Variants in CTTN observed in about 807,000 individuals in gnomAD.
CTTN encodes the protein src substrate cortactin.
Under a neutral mutation model 84.0 loss-of-function variants are expected in CTTN, and 28 were observed. That is an observed-to-expected ratio of 0.33 (90% CI 0.25 to 0.46). The LOEUF (loss-of-function observed/expected upper bound fraction) is 0.46. Among genes scored for constraint, CTTN ranks in the 20% least tolerant of loss-of-function variants. The pLI is 1.00. For missense variants in CTTN, 641 were observed against 723.8 expected (o/e 0.89, Z 1.31); for synonymous variants, 301 against 288.8 (o/e 1.04, Z -0.43).
At chr11:70,420,605 C>A (rs2058221975) in intron 10 of CTTN, 95 bp downstream of exon 10, 1 of 874,690 alleles carries the variant, frequency 1.1e-6, no homozygotes, top group Non-Finnish European at 1.9e-6. Context: ...CGTGTGCCTG[C>A]TGCACATTGT....
chr11:70,430,800 G>T (rs1397708385), intron 14 of CTTN, among the ~76,000 whole-genome samples: 1 of 152,166 alleles, frequency 6.6e-6, no homozygotes, highest in African/African-American at 2.4e-5. Context: ...CTATCTAATC[G>T]TGTGTGGGCG....
In CTTN at chr11:70,431,224, G is replaced by A. The variant is rs748275215; in HGVS notation, c.1210G>A (p.Val404Met). 3 of 1,614,052 alleles carry A rather than the reference G, an allele frequency of 1.9e-6. No homozygotes were observed. The highest frequency in any genetic ancestry group is 2.7e-5 in the African/African-American group (2 of 74,912). ...QARAKTQTPP[V>M]SPAPQPTEER... ...CAGAGCCAAAACGCAAACGCCCCCTGTGTCGCCCGCACCTCAGCCAACCGA... is the reference window on the plus strand; with the variant it reads ...CAGAGCCAAAACGCAAACGCCCCCTATGTCGCCCGCACCTCAGCCAACCGA... Residue 404 changes from valine to methionine, a missense_variant, in exon 15 of 18, where the codon GTG becomes ATG. Val to Met is a conservative substitution (Grantham distance 21). Transcript: ENST00000301843.
At chr11:70,420,583 G>A in intron 10 of CTTN, 73 bp downstream of exon 10, 1 of 1,099,634 alleles carries the variant, frequency 9.1e-7, no homozygotes, top group Non-Finnish European at 1.4e-6. Flanking sequence ...CAGTTGGTAT[G>A]TGTTGTGTCT....
At chr11:70,430,656 TCCTAC>T (rs1294448870) in intron 14 of CTTN, among the ~76,000 whole-genome samples, 1 of 152,186 alleles carries the variant, frequency 6.6e-6, no homozygotes, top group Non-Finnish European at 1.5e-5. Flanking sequence ...GGGGCTATTA[TCCTAC>T]CCCAGTTCAT....
chr11:70,422,732 C>T, intron 11 of CTTN: 3 of 1,453,124 alleles, frequency 2.1e-6, no homozygotes, highest in Non-Finnish European at 2.7e-6. Flanking sequence ...CTGCCCCTGG[C>T]CTGTGCTCTG....
At chr11:70,434,159 G>A (rs957275133) in intron 17 of CTTN, among the ~76,000 whole-genome samples, 5 of 152,178 alleles carry the variant, frequency 3.3e-5, no homozygotes, top group African/African-American at 7.2e-5. Context: ...TTCCCTTTGC[G>A]GCCTTGGCAG....
At chr11:70,410,852 A>G (rs2058089557) in intron 5 of CTTN, among the ~76,000 whole-genome samples, 1 of 151,924 alleles carries the variant, frequency 6.6e-6, no homozygotes, top group African/African-American at 2.4e-5. Flanking sequence ...CACCTCATGC[A>G]CCAGCCAGAT....
intron 4 of CTTN, 81 bp downstream of exon 4, chr11:70,407,672 G>A (rs1429096769): frequency 1.4e-5 from 18 of 1,324,336 alleles, no homozygotes; most frequent in African/African-American, 2.9e-5. Flanking sequence ...GGTCATCTGT[G>A]GAGGGACAGC....
In CTTN at chr11:70,435,937, T is replaced by C. The variant is rs2058413133; in HGVS notation, c.*775T>C. 6.9e-7 allele frequency: 1 copy of C among 1,446,566 alleles called. No homozygotes were observed. Among genetic ancestry groups the C allele is most frequent in the Non-Finnish European group, 9.0e-7 (1 of 1,108,628 alleles). The allele number at this position is 1,446,566 out of a possible 1,614,324, so 89.6% of individuals were successfully genotyped here. Reference sequence around the variant, plus strand: ...TCTGGATTGGGACGCACAGTGCAGTTGAGGTCTGCGTCGGGCTTGGCTTTT... The same window carrying C: ...TCTGGATTGGGACGCACAGTGCAGTCGAGGTCTGCGTCGGGCTTGGCTTTT... On this transcript the variant is annotated 3_prime_UTR_variant, in exon 18 of 18. Transcript: ENST00000301843.
At chr11:70,428,153 CTTTTTT>C (rs60189081) in intron 13 of CTTN, among the ~76,000 whole-genome samples, 1 of 62,538 alleles carries the variant, frequency 1.6e-5, no homozygotes, top group Non-Finnish European at 3.2e-5. Context: ...TGTCTTCCCA[CTTTTTT>C]TTTTTTTTTT....
chr11:70,433,364 G>A, intron 16 of CTTN, 86 bp downstream of exon 16: 7 of 1,376,686 alleles, frequency 5.1e-6, no homozygotes, highest in Non-Finnish European at 6.8e-6. Flanking sequence ...GTTGCGAGGA[G>A]CGTGGGTTTC....
At chr11:70,404,558 T>A (rs2058022072) in intron 1 of CTTN, among the ~76,000 whole-genome samples, 1 of 152,254 alleles carries the variant, frequency 6.6e-6, no homozygotes, top group African/African-American at 2.4e-5. Context: ...AGTGTTTTTC[T>A]TATATTATTG....
intron 4 of CTTN, 74 bp downstream of exon 4, chr11:70,407,665 C>A: frequency 1.4e-6 from 2 of 1,415,926 alleles, no homozygotes; most frequent in South Asian, 2.3e-5. Context: ...GGCCCATGGT[C>A]ATCTGTGGAG....
intron 6 of CTTN, 96 bp from the exon 7 acceptor site, chr11:70,415,566 AT>A (rs557641038): frequency 2.6e-6 from 3 of 1,155,908 alleles, no homozygotes; most frequent in African/African-American, 1.5e-5. Flanking sequence ...TGTGTTTCAT[AT>A]TTTTTTAAAT....
chr11:70,423,441 C>T (rs149261217), intron 12 of CTTN, among the ~76,000 whole-genome samples: 325 of 152,354 alleles, frequency 2.1e-3, no homozygotes, highest in African/African-American at 6.0e-3. Flanking sequence ...CGTAGAGACG[C>T]GGGCTCCACA....
At chr11:70,424,824 G>A (rs899890026) in intron 12 of CTTN, among the ~76,000 whole-genome samples, 2 of 152,132 alleles carry the variant, frequency 1.3e-5, no homozygotes, top group Admixed American at 1.3e-4. Context: ...CAGTGAAACT[G>A]GGTACGGCCA....
chr11:70,422,598 G>T, intron 11 of CTTN: 3 of 1,323,714 alleles, frequency 2.3e-6, no homozygotes, highest in Non-Finnish European at 3.0e-6. Context: ...TGCTGGTGCG[G>T]AAGACTGTGC....
chr11:70,402,202 A>T (rs1479431416), intron 1 of CTTN, among the ~76,000 whole-genome samples: 2 of 152,234 alleles, frequency 1.3e-5, no homozygotes, highest in Non-Finnish European at 2.9e-5. Context: ...CTGTCTAGAC[A>T]GCAAGATTAC....
Position 70,429,538 on chromosome 11 carries a change from C to T in CTTN, c.1176+339C>T, listed in dbSNP as rs142021657. Among the ~76,000 whole-genome samples, 333 of 152,268 alleles carry T rather than the reference C, an allele frequency of 2.2e-3. 1 individual carries two copies. The highest frequency in any genetic ancestry group is 7.4e-3 in the African/African-American group (309 of 41,560). On this transcript the variant is annotated intron_variant, in intron 14 of 17. Transcript: ENST00000301843. ...ACGGGGCTCCTGTCCAAATGTCAGC[C>T]TGAGTCTCTTCTCACCCCTCCCCCT... is the stretch of plus-strand genomic sequence containing the variant.
Sources: gnomAD v4.1 joint callset for allele counts (sites outside exome capture counted in the v4.1 genomes callset) on GRCh38, gnomAD v4.1.1 for gene constraint, MANE v1.5 for transcripts, NCBI Gene and HGNC (gene_info 2026-07-23, HGNC 2026-07-21) for gene names.